The following DLG2 variants were observed in gnomAD, a reference collection of about 807,000 sequenced individuals.
DLG2 encodes the protein discs large MAGUK scaffold protein 2, also known as disks large homolog 2.
In DLG2, 45 loss-of-function variants were observed where a neutral mutation model predicts 132.5. The observed-to-expected ratio is 0.34, with a 90% CI of 0.27 to 0.44. The LOEUF is 0.44. Among genes scored for constraint, DLG2 ranks in the 20% least tolerant of loss-of-function variants. The probability of loss-of-function intolerance (pLI) is 1.00; values close to 1 mark genes in which losing one functional copy is unlikely to be tolerated. For missense variants in DLG2, 1,045 were observed against 1,196.9 expected, an observed-to-expected ratio of 0.87 and a Z score of 1.87; for synonymous variants, 424 against 419.6, an observed-to-expected ratio of 1.01 and a Z score of -0.13.
At chr11:83,518,198 A>G (rs1280333196) in intron 21 of DLG2, among the ~76,000 whole-genome samples, 1 of 152,044 alleles carries the variant, frequency 6.6e-6, no homozygotes, top group Admixed American at 6.5e-5. Context: ...TGCTTTGTTT[A>G]CCTACTCAAG....
intron 6 of DLG2, among the ~76,000 whole-genome samples, chr11:84,675,961 G>A (rs569189831): frequency 6.6e-6 from 1 of 152,152 alleles, no homozygotes. Context: ...TGGCCCTTGA[G>A]TGGGTTTTTT....
intron 6 of DLG2, among the ~76,000 whole-genome samples, chr11:84,844,133 GTGTATA>G (rs1258963333): frequency 1.0e-3 from 27 of 26,014 alleles, no homozygotes; most frequent in African/African-American, 2.7e-3. Context: ...GTGTGTGTGT[GTGTATA>G]TATATATATA....
At chr11:84,122,530 C>G (rs1249695803) in intron 9 of DLG2, among the ~76,000 whole-genome samples, 1 of 152,072 alleles carries the variant, frequency 6.6e-6, no homozygotes, top group Non-Finnish European at 1.5e-5. Context: ...AACTCTCAAT[C>G]TACTGCACAC....
At chr11:83,547,810 C>G (rs1010020143) in intron 19 of DLG2, among the ~76,000 whole-genome samples, 3 of 152,098 alleles carry the variant, frequency 2.0e-5, no homozygotes, top group Non-Finnish European at 4.4e-5. Context: ...CAATAGAAAA[C>G]TAATATCAAC....
At chr11:85,232,276 C>T (rs910536558) in intron 4 of DLG2, among the ~76,000 whole-genome samples, 5 of 151,858 alleles carry the variant, frequency 3.3e-5, no homozygotes, top group Non-Finnish European at 4.4e-5. Flanking sequence ...GTCTGATATA[C>T]ATTATTCCAT....
At chr11:85,110,892 C>G (rs1303131780) in intron 6 of DLG2, among the ~76,000 whole-genome samples, 1 of 152,128 alleles carries the variant, frequency 6.6e-6, no homozygotes, top group Non-Finnish European at 1.5e-5. Context: ...TTGTCTCCAT[C>G]ATACACAAAT....
intron 19 of DLG2, among the ~76,000 whole-genome samples, chr11:83,551,065 A>G (rs953791789): frequency 6.6e-6 from 1 of 152,194 alleles, no homozygotes; most frequent in Non-Finnish European, 1.5e-5. Flanking sequence ...ATATTAGCTC[A>G]CTATTTTAAG....
chr11:83,494,578 C>T (rs1283449111), intron 21 of DLG2, among the ~76,000 whole-genome samples: 1 of 148,640 alleles, frequency 6.7e-6, no homozygotes, highest in East Asian at 2.0e-4. Context: ...TACACAATAT[C>T]CTCAAATTTG....
intron 3 of DLG2, among the ~76,000 whole-genome samples, chr11:85,456,986 T>G (rs757254619): frequency 1.3e-4 from 20 of 152,300 alleles, no homozygotes; most frequent in South Asian, 6.2e-4. Flanking sequence ...TGAATATCTG[T>G]TAATTGTTTG....
At chr11:85,503,209 T>A (rs2153134306) in intron 3 of DLG2, among the ~76,000 whole-genome samples, 1 of 152,274 alleles carries the variant, frequency 6.6e-6, no homozygotes, top group East Asian at 1.9e-4. Flanking sequence ...ATTTTATACT[T>A]TTTTGCATTC....
chr11:85,546,651 C>T (rs754417641), intron 3 of DLG2, among the ~76,000 whole-genome samples: 56 of 152,032 alleles, frequency 3.7e-4, no homozygotes, highest in Non-Finnish European at 6.3e-4. Flanking sequence ...TCTCTAAGAA[C>T]TTGTTTTATG....
intron 7 of DLG2, among the ~76,000 whole-genome samples, chr11:84,435,871 A>G (rs943767722): frequency 2.6e-5 from 4 of 152,106 alleles, no homozygotes; most frequent in African/African-American, 7.2e-5. Context: ...CTTTCTTTGC[A>G]TACTAATTTG....
At chr11:85,052,256 T>C (rs1333932487) in intron 6 of DLG2, among the ~76,000 whole-genome samples, 1 of 152,198 alleles carries the variant, frequency 6.6e-6, no homozygotes, top group Non-Finnish European at 1.5e-5. Flanking sequence ...ACAAACATCA[T>C]CGTTGGGAGT....
intron 6 of DLG2, among the ~76,000 whole-genome samples, chr11:84,936,455 T>C (rs188081883): frequency 6.6e-4 from 101 of 152,244 alleles, no homozygotes; most frequent in African/African-American, 2.4e-3. Context: ...AGCAAAAATA[T>C]AGCTATGTGG....
At chr11:84,833,906 A>G (rs1041015576) in intron 6 of DLG2, among the ~76,000 whole-genome samples, 2 of 151,648 alleles carry the variant, frequency 1.3e-5, no homozygotes, top group Non-Finnish European at 3.0e-5. Flanking sequence ...AGTTATGTAC[A>G]TACTTGTAAA....
At chr11:84,782,560 C>A (rs1291508753) in intron 6 of DLG2, among the ~76,000 whole-genome samples, 1 of 152,006 alleles carries the variant, frequency 6.6e-6, no homozygotes, top group Non-Finnish European at 1.5e-5. Context: ...ATCTATGAAT[C>A]CCGGGTTAAG....
Position 83,643,953 on chromosome 11 carries a change from C to T in DLG2, c.1826-10628G>A, listed in dbSNP as rs561343495. Among the ~76,000 whole-genome samples, 9 of 152,058 alleles carry T rather than the reference C, an allele frequency of 5.9e-5. No homozygotes were observed. In the East Asian group the frequency reaches 1.7e-3, roughly 29 times the overall value. ...GCTGTCTCAGACTTGTTTGGTTACCCTAAGTAACCATTTAGCAGCCAATTT... is the reference window on the plus strand; with the variant it reads ...GCTGTCTCAGACTTGTTTGGTTACCTTAAGTAACCATTTAGCAGCCAATTT... On this transcript the variant is annotated intron_variant, in intron 18 of 27. Transcript: ENST00000376104.
At chr11:84,276,329 T>G (rs550770196) in intron 7 of DLG2, among the ~76,000 whole-genome samples, 2 of 152,356 alleles carry the variant, frequency 1.3e-5, no homozygotes, top group South Asian at 4.1e-4. Flanking sequence ...ATTACGTGTT[T>G]TGTATTCCTG....
rs182428890 is a variant in DLG2, at chr11:83,828,902, A to T, written c.1722+4712T>A. On this transcript the variant is annotated intron_variant, in intron 17 of 27. Transcript: ENST00000376104. The stretch of plus-strand genomic sequence containing the variant: ...TATGTATATGTGTTTATATACATAT[A>T]CATACATATACAATACCTGGCACAT... Among the ~76,000 whole-genome samples, 10 of 152,264 alleles carry T rather than the reference A, an allele frequency of 6.6e-5. No homozygotes were observed. In the East Asian group the frequency reaches 1.9e-3, roughly 29 times the overall value.
Sources: allele counts gnomAD v4.1 joint callset (sites outside exome capture counted in the v4.1 genomes callset), GRCh38; gene constraint gnomAD v4.1.1; transcripts MANE v1.5; gene names NCBI Gene and HGNC (gene_info 2026-07-23, HGNC 2026-07-21).